The following RAB3B variants were observed in gnomAD, a reference collection of about 807,000 sequenced individuals.
RAB3B encodes the protein RAB3B, member RAS oncogene family.
A neutral mutation model predicts 20.5 loss-of-function variants in RAB3B; 11 were observed. That is an observed-to-expected ratio of 0.54 (90% CI 0.34 to 0.89). The LOEUF (loss-of-function observed/expected upper bound fraction) is 0.89. RAB3B is among the 40% of genes least tolerant of loss of function. The pLI is 0.02. For missense variants in RAB3B, 225 were observed against 280.9 expected (o/e 0.80, Z 1.42); for synonymous variants, 99 against 106.3 (o/e 0.93, Z 0.42).
intron 4 of RAB3B, among the ~76,000 whole-genome samples, chr1:51,920,352 G>A (rs951795865): frequency 7.2e-5 from 11 of 152,210 alleles, no homozygotes; most frequent in Middle Eastern, 3.4e-3. Flanking sequence ...GTTTAATTCC[G>A]GGCTGAGTCA....
chr1:51,938,867 C>A (rs535824200), intron 2 of RAB3B, among the ~76,000 whole-genome samples: 2 of 151,962 alleles, frequency 1.3e-5, no homozygotes, highest in South Asian at 4.2e-4. Context: ...TACCATGTTG[C>A]CCAGGCTGGT....
At chr1:51,942,085 G>GA (rs1312522199) in intron 2 of RAB3B, among the ~76,000 whole-genome samples, 2 of 152,162 alleles carry the variant, frequency 1.3e-5, no homozygotes, top group Non-Finnish European at 2.9e-5. Flanking sequence ...CAACTCCAAA[G>GA]AATAGACCTC....
At chr1:51,931,178 C>T (rs747261243) in intron 4 of RAB3B, among the ~76,000 whole-genome samples, 1 of 152,158 alleles carries the variant, frequency 6.6e-6, no homozygotes, top group Non-Finnish European at 1.5e-5. Flanking sequence ...TCACACCATC[C>T]AGTGATTTAT....
Position 51,915,133 on chromosome 1 carries a change from G to A in RAB3B, c.*4794C>T, listed in dbSNP as rs1269027462. ...AGAGGAGGGTTCAAATGATGCTAGT[G>A]GGTGACTTGAGCATGTTAACTTTTC... On this transcript the variant is annotated 3_prime_UTR_variant, in exon 5 of 5. Transcript: ENST00000371655. 1 of 152,164 alleles carries A rather than the reference G, an allele frequency of 6.6e-6. No homozygotes were observed. The highest frequency in any genetic ancestry group is 2.4e-5 in the African/African-American group (1 of 41,432). 9.4% of individuals were successfully genotyped at this position (152,164 alleles called of 1,614,324 possible).
intron 4 of RAB3B, among the ~76,000 whole-genome samples, chr1:51,927,447 T>C (rs1332429883): frequency 6.6e-6 from 1 of 152,194 alleles, no homozygotes; most frequent in East Asian, 1.9e-4. Flanking sequence ...GGCGTGCTTT[T>C]CCCACTACAC....
chr1:51,951,510 A>G (rs141905648), intron 2 of RAB3B, among the ~76,000 whole-genome samples: 1 of 152,260 alleles, frequency 6.6e-6, no homozygotes, highest in East Asian at 1.9e-4. Flanking sequence ...TGTCATTGTC[A>G]CTACTGATTT....
At chr1:51,989,335 T>C (rs1273996630) in intron 1 of RAB3B, among the ~76,000 whole-genome samples, 1 of 150,658 alleles carries the variant, frequency 6.6e-6, no homozygotes, top group Non-Finnish European at 1.5e-5. Flanking sequence ...CTCCCCAAAG[T>C]TGCTTCCATG....
intron 2 of RAB3B, among the ~76,000 whole-genome samples, chr1:51,955,494 C>T (rs1278271795): frequency 2.6e-5 from 4 of 152,064 alleles, no homozygotes; most frequent in Admixed American, 2.6e-4. Flanking sequence ...CGGGTTCAAG[C>T]GATTCTCCTG....
At chr1:51,924,625 T>A (rs1241336324) in intron 4 of RAB3B, among the ~76,000 whole-genome samples, 1 of 151,984 alleles carries the variant, frequency 6.6e-6, no homozygotes, top group Non-Finnish European at 1.5e-5. Flanking sequence ...CAGGGGGAGC[T>A]CTTGTGTCAT....
At chr1:51,961,169 A>G (rs1469608404) in intron 2 of RAB3B, among the ~76,000 whole-genome samples, 1 of 151,966 alleles carries the variant, frequency 6.6e-6, no homozygotes, top group Non-Finnish European at 1.5e-5. Flanking sequence ...TTCAGAGACC[A>G]CTACATTCAG....
rs1291622338 is a variant in RAB3B at position 51,912,574 on chromosome 1, TATATATATATATATATATATATATATAA to T, written c.*7325_*7352del. 16 of 14,342 alleles carry T rather than the reference TATATATATATATATATATATATATATAA, an allele frequency of 1.1e-3. 4 individuals carry two copies. In the South Asian group the frequency reaches 0.03, roughly 27 times the overall value. 0.9% of individuals were successfully genotyped at this position (14,342 alleles called of 1,614,324 possible). A position where few individuals can be genotyped will look rare whatever the true frequency, so the allele number is the denominator to read the frequency against. On this transcript the variant is annotated 3_prime_UTR_variant, in exon 5 of 5. Coordinates refer to ENST00000371655, the MANE Select transcript of RAB3B (RefSeq NM_002867.4). The stretch of plus-strand genomic sequence containing the variant: ...AAAAAAATATATATATATATATATA[TATATATATATATATATATATATATATAA>T]AAAATGTTACTCCTGTGAGACAGAA...
chr1:51,989,238 G>GTGTGTGTGTT (rs1685191779), intron 1 of RAB3B, among the ~76,000 whole-genome samples: 1 of 150,252 alleles, frequency 6.7e-6, no homozygotes, highest in Non-Finnish European at 1.5e-5. Flanking sequence ...GTGTGTGTGT[G>GTGTGTGTGTT]TGTGTGTGTG....
At chr1:51,980,881 T>A (rs1054076125) in intron 1 of RAB3B, 4 of 604,982 alleles carry the variant, frequency 6.6e-6, no homozygotes, top group Non-Finnish European at 1.2e-5. Flanking sequence ...AAATGGAAAT[T>A]GTACTTTAAA....
In RAB3B at chr1:51,914,952, A is replaced by G. The variant is rs1684061564; in HGVS notation, c.*4975T>C. 1 of 152,212 alleles carries G rather than the reference A, an allele frequency of 6.6e-6. No homozygotes were observed. Among genetic ancestry groups the G allele is most frequent in the Non-Finnish European group, 1.5e-5 (1 of 68,048 alleles). 9.4% of individuals were successfully genotyped at this position (152,212 alleles called of 1,614,324 possible). On this transcript the variant is annotated 3_prime_UTR_variant, in exon 5 of 5. Coordinates refer to ENST00000371655, the MANE Select transcript of RAB3B (RefSeq NM_002867.4). ...AATGGTCTTATTCTGTGGATGTTAT[A>G]AGGCTTCGGTCACCAAGCAATTGTG...
At chr1:51,989,101 G>GCACACACACACACACACACA (rs1553232373) in intron 1 of RAB3B, among the ~76,000 whole-genome samples, 3 of 24,014 alleles carry the variant, frequency 1.2e-4, no homozygotes, top group African/African-American at 1.7e-4. Flanking sequence ...ACCTGTGCGC[G>GCACACACACACACACACACA]CGCACACACA....
Position 51,990,586 on chromosome 1 carries a change from C to A in RAB3B, c.-35G>T. The stretch of plus-strand genomic sequence containing the variant: ...CGAGTGCGGGACGACGGGTTCGCTC[C>A]CGGACGGTCGGCGGGACGGCAGGAC... On this transcript the variant is annotated 5_prime_UTR_variant, in exon 1 of 5. Transcript: ENST00000371655. 6.6e-6 allele frequency: 1 copy of A among 152,386 alleles called. No individual in the cohort carries two copies. Among genetic ancestry groups the A allele is most frequent in the Non-Finnish European group, 1.5e-5 (1 of 68,188 alleles). The allele number at this position is 152,386 out of a possible 1,614,324, so 9.4% of individuals were successfully genotyped here.
chr1:51,949,658 T>C (rs2809941), intron 2 of RAB3B, among the ~76,000 whole-genome samples: 128,036 of 152,220 alleles, frequency 0.84, 54,708 homozygotes, highest in East Asian at 1. Context: ...ACCCCAAAGC[T>C]CCAGAGGGGT....
intron 1 of RAB3B, chr1:51,980,493 C>A (rs1571981262): frequency 2.9e-6 from 2 of 691,110 alleles, no homozygotes; most frequent in South Asian, 1.4e-5. Flanking sequence ...AAAGAAGGAA[C>A]AATGGTCATG....
chr1:51,957,484 C>T (rs1341305120), intron 2 of RAB3B, among the ~76,000 whole-genome samples: 3 of 152,142 alleles, frequency 2.0e-5, no homozygotes, highest in African/African-American at 7.2e-5. Context: ...TCTAGCTTTG[C>T]CACTTCTTGG....
Sources: gnomAD v4.1 joint callset for allele counts (sites outside exome capture counted in the v4.1 genomes callset) on GRCh38, gnomAD v4.1.1 for gene constraint, MANE v1.5 for transcripts, NCBI Gene and HGNC (gene_info 2026-07-23, HGNC 2026-07-21) for gene names.